TELO2: variants seen among roughly 807,000 people sequenced by gnomAD.
The protein encoded by TELO2 is telomere length regulation protein TEL2 homolog.
TELO2 carries 71 observed loss-of-function variants against 91.0 expected under a neutral mutation model. The ratio of observed to expected loss-of-function variants is 0.78; its 90% CI spans 0.64 to 0.95. The LOEUF is 0.95. Ranked by LOEUF, TELO2 falls within the 40% of genes least tolerant of loss-of-function variation. TELO2 has a pLI of 0.00. For synonymous variants in TELO2, 584 were observed against 518.9 expected (o/e 1.13, Z -1.71); for missense variants, 1,183 against 1,141.3 (o/e 1.04, Z -0.53).
At chr16:1,506,170 C>T (rs983478479) in intron 16 of TELO2, 68 bp from the exon 17 acceptor site, 54 of 1,554,254 alleles carry the variant, frequency 3.5e-5, no homozygotes, top group South Asian at 2.2e-5. Flanking sequence ...GGGATCCTCT[C>T]GGGCTAGGGG....
intron 6 of TELO2, 113 bp from the exon 7 acceptor site, chr16:1,499,983 C>T (rs749098154): frequency 1.3e-4 from 165 of 1,258,798 alleles, no homozygotes; most frequent in Admixed American, 2.9e-4. Context: ...CATGCTTGTC[C>T]GTCTGCTGCC....
At chr16:1,509,692 G>C in intron 20 of TELO2, 138 bp from the exon 21 acceptor site, 1 of 732,430 alleles carries the variant, frequency 1.4e-6, no homozygotes, top group Non-Finnish European at 2.3e-6. Flanking sequence ...GGGAGAGTCC[G>C]GGGTCACTGC....
chr16:1,501,963 G>GGGA, intron 11 of TELO2, 84 bp from the exon 12 acceptor site: 1 of 1,573,682 alleles, frequency 6.4e-7, no homozygotes, highest in Admixed American at 1.7e-5. Context: ...CCGCATCTTG[G>GGGA]GGAGGAGAGA....
intron 15 of TELO2, among the ~76,000 whole-genome samples, chr16:1,504,946 C>T (rs1417256622): frequency 6.6e-6 from 1 of 152,182 alleles, no homozygotes; most frequent in African/African-American, 2.4e-5. Context: ...TCGCCCCGAC[C>T]CTCCCAGCCT....
In TELO2 at chr16:1,505,147, G is replaced by A. The variant is rs1028613035; in HGVS notation, c.1843-263G>A. ...TGTGGCTCTGGCGTGGCGGGACTGC[G>A]TGGCTTTAGGATGAGGCTGCGCTCG... is the stretch of plus-strand genomic sequence containing the variant. On this transcript the variant is annotated intron_variant, in intron 15 of 20. Coordinates refer to ENST00000262319, the MANE Select transcript of TELO2 (RefSeq NM_016111.4). This position sits in a 1 kb window ranked among gnomAD's most constrained non-coding sequence, Gnocchi z 4.3. 7 of 451,742 alleles carry A rather than the reference G, an allele frequency of 1.5e-5. No homozygotes were observed. The highest frequency in any genetic ancestry group is 5.8e-5 in the African/African-American group (3 of 51,420). The allele number at this position is 451,742 out of a possible 1,614,324, so 28.0% of individuals were successfully genotyped here.
chr16:1,500,813 C>T, intron 9 of TELO2, 114 bp downstream of exon 9: 1 of 1,465,186 alleles, frequency 6.8e-7, no homozygotes, highest in Non-Finnish European at 9.1e-7. Flanking sequence ...TGCGGAGCGT[C>T]CGTGTGGACT....
intron 17 of TELO2, 135 bp from the exon 18 acceptor site, chr16:1,506,817 T>C: frequency 7.0e-7 from 1 of 1,425,178 alleles, no homozygotes; most frequent in Non-Finnish European, 9.2e-7. Flanking sequence ...GCTCCTACGA[T>C]CTCGGTGCAG....
chr16:1,501,938 G>GC, intron 11 of TELO2, 109 bp from the exon 12 acceptor site: 1 of 1,516,654 alleles, frequency 6.6e-7, no homozygotes, highest in Admixed American at 1.7e-5. Context: ...AGGCGCAGGG[G>GC]CCGAGGCGTG....
Position 1,497,335 on chromosome 16 carries a change from C to T in TELO2, c.683-26C>T, listed in dbSNP as rs1249100730. The T allele has an allele frequency of 3.9e-6, 6 of 1,525,670 alleles. No homozygotes were observed. The highest frequency in any genetic ancestry group is 5.3e-6 in the Non-Finnish European group (6 of 1,131,916). The allele number at this position is 1,525,670 out of a possible 1,614,324, so 94.5% of individuals were successfully genotyped here. A position where few individuals can be genotyped will look rare whatever the true frequency, so the allele number is the denominator to read the frequency against. ...CACCAGGTGGGTGCAGCTCCCCAGGCTCAGGTCCTCCGTCTGTCCCCTCAG... is the reference window on the plus strand; with the variant it reads ...CACCAGGTGGGTGCAGCTCCCCAGGTTCAGGTCCTCCGTCTGTCCCCTCAG... On this transcript the variant is annotated intron_variant, in intron 4 of 20. Coordinates refer to ENST00000262319, the MANE Select transcript of TELO2 (RefSeq NM_016111.4). The surrounding 1 kb of genome is among the most constrained non-coding windows in gnomAD (Gnocchi z 4.0).
rs746475632 is a variant in TELO2 at position 1,497,016 on chromosome 16, G to A, written c.614-20G>A. 1.9e-6 allele frequency: 3 copies of A among 1,613,182 alleles called. No homozygotes were observed. The highest frequency in any genetic ancestry group is 4.5e-5 in the East Asian group (2 of 44,856). On this transcript the variant is annotated intron_variant, in intron 3 of 20. Transcript: ENST00000262319. This position sits in a 1 kb window ranked among gnomAD's most constrained non-coding sequence, Gnocchi z 4.0. ...TGCCTTCCCGCCGGCTTCCTCATCA[G>A]GCCTCCCTTTCTGTCCCAGGTGGCC...
At position 1,497,558 on chromosome 16, in the gene TELO2, C is replaced by T. The variant is rs978247220; in HGVS notation, c.830+50C>T. The T allele has an allele frequency of 6.7e-7, 1 of 1,499,192 alleles. No individual in the cohort carries two copies. The highest frequency in any genetic ancestry group is 8.9e-7 in the Non-Finnish European group (1 of 1,123,662). 92.9% of individuals were successfully genotyped at this position (1,499,192 alleles called of 1,614,324 possible). On this transcript the variant is annotated intron_variant, in intron 5 of 20. Transcript: ENST00000262319. This position sits in a 1 kb window ranked among gnomAD's most constrained non-coding sequence, Gnocchi z 4.0. ...CTGCACTGGCTTCTGGGGTCTGGAC[C>T]CCCAGAGGCTGCCATTCCTTCACGC...
At chr16:1,507,155 G>C (rs1167577538) in intron 18 of TELO2, 104 bp downstream of exon 18, 2 of 1,482,894 alleles carry the variant, frequency 1.3e-6, no homozygotes, top group Admixed American at 4.0e-5. Context: ...GGGAGGGGCT[G>C]CCTGTGTGGG....
Position 1,509,881 on chromosome 16 carries a change from C to G in TELO2, c.2459C>G (p.Ala820Gly). ...GACTGCAGGACGCTGGCACTGAGGGCCCTGCTGCTTCTGCAGAGACTCAAG... is the reference window on the plus strand; with the variant it reads ...GACTGCAGGACGCTGGCACTGAGGGGCCTGCTGCTTCTGCAGAGACTCAAG... ...DEDCRTLALR[A>G]LLLLQRLKNR... The change falls in exon 21 of 21, where the codon GCC becomes GGC. Residue 820 changes from alanine (A) to glycine (G), a missense_variant. By Grantham distance (60) the Ala-to-Gly change is moderately conservative. Transcript: ENST00000262319. 6.2e-7 allele frequency: 1 copy of G among 1,612,230 alleles called. No individual in the cohort carries two copies. The highest frequency in any genetic ancestry group is 1.1e-5 in the South Asian group (1 of 90,800).
In TELO2 at chr16:1,506,735, G is replaced by A. The variant is rs375844079; in HGVS notation, c.2127-217G>A. On this transcript the variant is annotated intron_variant, in intron 17 of 20. Transcript: ENST00000262319. The stretch of plus-strand genomic sequence containing the variant: ...CTGCAGCAGGGGTGGGGGTCTCGGC[G>A]TTGGGAACTCCTGGCCCAGGTGGAC... 4.2e-5 allele frequency: 59 copies of A among 1,397,734 alleles called. 1 individual carries two copies. The highest frequency in any genetic ancestry group is 2.2e-4 in the East Asian group (8 of 37,044). The allele number at this position is 1,397,734 out of a possible 1,614,324, so 86.6% of individuals were successfully genotyped here.
At chr16:1,504,571 T>C (rs2039819076) in intron 15 of TELO2, among the ~76,000 whole-genome samples, 1 of 126,590 alleles carries the variant, frequency 7.9e-6, no homozygotes, top group African/African-American at 2.9e-5. Context: ...TTTTTTTTTT[T>C]TTTTGAGACA....
Position 1,510,076 on chromosome 16 carries a change from G to T in TELO2, c.*140G>T. On this transcript the variant is annotated 3_prime_UTR_variant, in exon 21 of 21. Transcript: ENST00000262319. The stretch of plus-strand genomic sequence containing the variant: ...GTACGGAGAGTGCAGATGCAGGAAG[G>T]CCCGGCCTGCCGCTATTTATAGTGC... 1 of 679,674 alleles carries T rather than the reference G, an allele frequency of 1.5e-6. No individual in the cohort carries two copies. Among genetic ancestry groups the T allele is most frequent in the Non-Finnish European group, 2.5e-6 (1 of 405,112 alleles). 42.1% of individuals were successfully genotyped at this position (679,674 alleles called of 1,614,324 possible).
chr16:1,508,954 C>G (rs1301637533), intron 20 of TELO2, among the ~76,000 whole-genome samples: 1 of 152,162 alleles, frequency 6.6e-6, no homozygotes, highest in Non-Finnish European at 1.5e-5. Context: ...GTGAGGCCCC[C>G]CAGACACCAG....
chr16:1,507,831 TGA>T, intron 20 of TELO2, 115 bp downstream of exon 20: 2 of 570,386 alleles, frequency 3.5e-6, no homozygotes, highest in Non-Finnish European at 5.0e-6. Flanking sequence ...TGTGTGTGTG[TGA>T]TGTGTGTTGG....
At chr16:1,502,865 G>A in intron 14 of TELO2, 66 bp from the exon 15 acceptor site, 1 of 1,603,414 alleles carries the variant, frequency 6.2e-7, no homozygotes. Context: ...GCTGTGAGGT[G>A]CCCGGAGGTC....
Sources: allele counts gnomAD v4.1 joint callset (sites outside exome capture counted in the v4.1 genomes callset), GRCh38; gene constraint gnomAD v4.1.1; non-coding constraint Gnocchi (gnomAD v3.1); transcripts MANE v1.5; gene names NCBI Gene and HGNC (gene_info 2026-07-23, HGNC 2026-07-21).